SLC7A9: variants seen among roughly 807,000 people sequenced by gnomAD.
SLC7A9 encodes the protein solute carrier family 7 member 9.
SLC7A9 carries 38 observed loss-of-function variants against 54.1 expected under a neutral mutation model. That is an observed-to-expected ratio of 0.70 (90% CI 0.54 to 0.92). The LOEUF (loss-of-function observed/expected upper bound fraction) is 0.92. Ranked by LOEUF, SLC7A9 falls within the 40% of genes least tolerant of loss-of-function variation. SLC7A9 has a pLI of 0.00. For missense variants in SLC7A9, 537 were observed against 636.1 expected, an observed-to-expected ratio of 0.84 and a Z score of 1.68; for synonymous variants, 264 against 258.9, an observed-to-expected ratio of 1.02 and a Z score of -0.19.
At chr19:32,842,428 G>A (rs774091379) in intron 10 of SLC7A9, 111 bp from the exon 11 acceptor site, 24 of 1,013,326 alleles carry the variant, frequency 2.4e-5, no homozygotes, top group Non-Finnish European at 3.3e-5. Context: ...AGCATGAAAC[G>A]AACTTCTAGG....
intron 9 of SLC7A9, among the ~76,000 whole-genome samples, chr19:32,857,832 C>T (rs983051592): frequency 6.6e-6 from 1 of 152,110 alleles, no homozygotes; most frequent in Non-Finnish European, 1.5e-5. Context: ...CAAACCACAG[C>T]TGTTTGGGCA....
At chr19:32,856,545 G>T (rs2145833820) in intron 9 of SLC7A9, among the ~76,000 whole-genome samples, 1 of 152,224 alleles carries the variant, frequency 6.6e-6, no homozygotes, top group South Asian at 2.1e-4. Context: ...TGATACATAT[G>T]CCATTCCACA....
At chr19:32,834,062 C>T (rs1478197797) in intron 11 of SLC7A9, among the ~76,000 whole-genome samples, 1 of 152,136 alleles carries the variant, frequency 6.6e-6, no homozygotes, top group African/African-American at 2.4e-5. Context: ...AAGGCAACTC[C>T]AGCCTGTGGG....
At chr19:32,859,790 C>T in intron 8 of SLC7A9, 51 bp downstream of exon 8, 1 of 1,476,762 alleles carries the variant, frequency 6.8e-7, no homozygotes, top group Non-Finnish European at 9.5e-7. Context: ...ACCTGCCTTA[C>T]CCCTTCCCAC....
At position 32,864,852 on chromosome 19, in the gene SLC7A9, C is replaced by T. The variant is rs1021327433; in HGVS notation, c.88-76G>A. On this transcript the variant is annotated intron_variant, in intron 2 of 12. Coordinates refer to ENST00000023064, the MANE Select transcript of SLC7A9 (RefSeq NM_014270.5). ...CAGAAGGCCAGGTGCCACCCTCCCTCGGTACGGCCAGGGCGGCCCCAGCCA... is the reference window on the plus strand; with the variant it reads ...CAGAAGGCCAGGTGCCACCCTCCCTTGGTACGGCCAGGGCGGCCCCAGCCA... 81 of 1,595,312 alleles carry T rather than the reference C, an allele frequency of 5.1e-5. 1 individual carries two copies. The highest frequency in any genetic ancestry group is 1.1e-4 in the South Asian group (10 of 90,470).
At chr19:32,868,349 G>A (rs1179820085) in intron 2 of SLC7A9, 99 bp downstream of exon 2, 24 of 806,690 alleles carry the variant, frequency 3.0e-5, no homozygotes, top group East Asian at 1.3e-4. Context: ...ATCTTCTGCC[G>A]TGTCACTAGG....
intron 11 of SLC7A9, among the ~76,000 whole-genome samples, chr19:32,838,181 C>A (rs527525387): frequency 7.2e-5 from 11 of 152,056 alleles, no homozygotes; most frequent in African/African-American, 2.7e-4. Context: ...AATAAAAGGC[C>A]GCTTAATATA....
intron 9 of SLC7A9, among the ~76,000 whole-genome samples, chr19:32,849,191 G>T (rs1236270891): frequency 6.6e-6 from 1 of 152,062 alleles, no homozygotes; most frequent in African/African-American, 2.4e-5. Flanking sequence ...AACCAGAGCA[G>T]AACTGAAGGA....
intron 9 of SLC7A9, among the ~76,000 whole-genome samples, chr19:32,852,905 C>CTT (rs56119122): frequency 2.7e-3 from 265 of 97,530 alleles, no homozygotes; most frequent in Middle Eastern, 6.0e-3. Context: ...AAGCTATAAA[C>CTT]TTTTTTTTTT....
At chr19:32,831,814 G>C (rs1912297185) in intron 12 of SLC7A9, among the ~76,000 whole-genome samples, 1 of 152,228 alleles carries the variant, frequency 6.6e-6, no homozygotes, top group South Asian at 2.1e-4. Flanking sequence ...CTTTTTGTGT[G>C]TCTTTGCAAT....
chr19:32,866,410 G>A (rs551195927), intron 2 of SLC7A9, among the ~76,000 whole-genome samples: 2 of 152,246 alleles, frequency 1.3e-5, no homozygotes, highest in Admixed American at 6.5e-5. Flanking sequence ...GCCTGACTGA[G>A]GAGTAGACCC....
chr19:32,835,499 CA>C (rs1274538729), intron 11 of SLC7A9, among the ~76,000 whole-genome samples: 2 of 152,088 alleles, frequency 1.3e-5, no homozygotes, highest in Non-Finnish European at 2.9e-5. Flanking sequence ...AAGAAATGAA[CA>C]ATTTTCTAGG....
chr19:32,833,208 C>T lies in SLC7A9; in HGVS notation c.1340G>A (p.Gly447Asp). The T allele has an allele frequency of 6.2e-7, 1 of 1,614,164 alleles. No individual in the cohort carries two copies. Among genetic ancestry groups the T allele is most frequent in the Non-Finnish European group, 8.5e-7 (1 of 1,180,032 alleles). ...YLYCVLFILS[G>D]LLFYFLFVHY... ...GACAAACAGGAAGTAAAATAAAAGG[C>T]CGCTTAATATAAACAGCACACAGTA... The change falls in exon 12 of 13, where the codon GGC becomes GAC. Residue 447 changes from glycine (G) to aspartate (D), a missense_variant. Gly to Asp is a moderately conservative substitution (Grantham distance 94). Transcript: ENST00000023064.
intron 2 of SLC7A9, 40 bp from the exon 3 acceptor site, chr19:32,864,816 C>T (rs760605419): frequency 6.4e-5 from 103 of 1,613,314 alleles, no homozygotes; most frequent in Non-Finnish European, 7.9e-5. Context: ...GTGCCACGCC[C>T]GGACCCAGCC....
At position 32,868,645 on chromosome 19, in the gene SLC7A9, G is replaced by C. The variant is rs1297123533; in HGVS notation, c.-111C>G. The C allele has an allele frequency of 1.7e-5, 15 of 872,132 alleles. No homozygotes were observed. The highest frequency in any genetic ancestry group is 2.5e-5 in the Non-Finnish European group (13 of 516,188). 54.0% of individuals were successfully genotyped at this position (872,132 alleles called of 1,614,324 possible). A position where few individuals can be genotyped will look rare whatever the true frequency, so the allele number is the denominator to read the frequency against. The stretch of plus-strand genomic sequence containing the variant: ...AGCTCGGCCTGGACTAGGGGAGCTG[G>C]CTGCAAAAGCACAGTGTTGGTTATT... On this transcript the variant is annotated splice_region_variant and 5_prime_UTR_variant, in exon 2 of 13. Coordinates refer to ENST00000023064, the MANE Select transcript of SLC7A9 (RefSeq NM_014270.5).
Position 32,869,503 on chromosome 19 carries a change from C to T in SLC7A9, c.-112+183G>A, listed in dbSNP as rs147959399. On this transcript the variant is annotated intron_variant, in intron 1 of 12. Coordinates refer to ENST00000023064, the MANE Select transcript of SLC7A9 (RefSeq NM_014270.5). ...CTGGGATTTCAGGGGTGAGCCACCA[C>T]GCCTGGCCAGGTACTTTTTCATTGA... Among the ~76,000 whole-genome samples, 545 of 152,306 alleles carry T rather than the reference C, an allele frequency of 3.6e-3. 4 individuals carry two copies. Among genetic ancestry groups the T allele is most frequent in the South Asian group, 0.013 (63 of 4,820 alleles).
intron 8 of SLC7A9, 72 bp from the exon 9 acceptor site, chr19:32,858,615 T>G: frequency 8.0e-7 from 1 of 1,247,276 alleles, no homozygotes; most frequent in Non-Finnish European, 1.1e-6. Context: ...CCAAAAGCTA[T>G]TCTGGCCTCC....
At position 32,858,654 on chromosome 19, in the gene SLC7A9, G is replaced by A. The variant is rs534926014; in HGVS notation, c.874-111C>T. The A allele has an allele frequency of 8.6e-5, 66 of 771,596 alleles. No homozygotes were observed. In the Middle Eastern group the frequency reaches 4.2e-3, roughly 49 times the overall value. 47.8% of individuals were successfully genotyped at this position (771,596 alleles called of 1,614,324 possible). On this transcript the variant is annotated intron_variant, in intron 8 of 12. Coordinates refer to ENST00000023064, the MANE Select transcript of SLC7A9 (RefSeq NM_014270.5). ...GGGACCCAGGGACCCACCTCGCCTC[G>A]GGGCACAGCCTCTGACTCCTCCACT...
chr19:32,864,876 C>G lies in SLC7A9; in HGVS notation c.88-100G>C, dbSNP rs530824823. ...TCGGTACGGCCAGGGCGGCCCCAGC[C>G]AAAGCCCATGTCCCAGGCGCTTCCA... On this transcript the variant is annotated intron_variant, in intron 2 of 12. Transcript: ENST00000023064. The G allele has an allele frequency of 4.9e-4, 742 of 1,513,756 alleles. 4 individuals are homozygous for G. The East Asian group carries it at 7.0e-3, about 14-fold the overall frequency. The allele number at this position is 1,513,756 out of a possible 1,614,324, so 93.8% of individuals were successfully genotyped here. A position where few individuals can be genotyped will look rare whatever the true frequency, so the allele number is the denominator to read the frequency against.
Sources: allele counts gnomAD v4.1 joint callset (sites outside exome capture counted in the v4.1 genomes callset), GRCh38; gene constraint gnomAD v4.1.1; transcripts MANE v1.5; gene names NCBI Gene and HGNC (gene_info 2026-07-23, HGNC 2026-07-21).